The following SLCO1B3 variants were observed in gnomAD, a reference collection of about 807,000 sequenced individuals.
The protein encoded by SLCO1B3 is solute carrier organic anion transporter family member 1B3, also known as liver-specific organic anion transporter 2.
SLCO1B3 carries 72 observed loss-of-function variants against 71.8 expected under a neutral mutation model. The ratio of observed to expected loss-of-function variants is 1.00; its 90% confidence interval spans 0.83 to 1.22. SLCO1B3 has a LOEUF of 1.22. SLCO1B3 is among the 50% of genes most tolerant of loss of function. The probability of loss-of-function intolerance (pLI) is 0.00; values close to 1 mark genes in which losing one functional copy is unlikely to be tolerated. For synonymous variants in SLCO1B3, 298 were observed against 278.4 expected (o/e 1.07, Z -0.70); for missense variants, 911 against 819.7 (o/e 1.11, Z -1.36).
At chr12:20,852,130 G>T (rs1013886358) in intron 3 of SLCO1B3, among the ~76,000 whole-genome samples, 1 of 152,090 alleles carries the variant, frequency 6.6e-6, no homozygotes, top group Non-Finnish European at 1.5e-5. Context: ...TTTTGGCTAC[G>T]CAGGGTGCCT....
chr12:20,908,351 T>C (rs1339024654), intron 15 of SLCO1B3, among the ~76,000 whole-genome samples: 1 of 152,214 alleles, frequency 6.6e-6, no homozygotes, highest in Non-Finnish European at 1.5e-5. Context: ...ATGGTACATT[T>C]GTTACAATTG....
At position 20,861,082 on chromosome 12, in the gene SLCO1B3, G is replaced by T. The variant is rs993057194; in HGVS notation, c.425G>T (p.Cys142Phe). Residue 142 changes from cysteine (C) to phenylalanine (F), a missense_variant, in exon 6 of 16, where the codon TGT becomes TTT. Physicochemically the swap from Cys to Phe is radical, Grantham distance 205. Coordinates refer to ENST00000381545, the MANE Select transcript of SLCO1B3 (RefSeq NM_019844.4). Reference protein sequence around the residue: ...SENSTSSLSTCLINQTLSFNG... With the variant: ...SENSTSSLSTFLINQTLSFNG... ...AATTCAACATCAAGTTTATCAACCT[G>T]TTTAATTAATCAAACCTTATCATTC... The T allele has an allele frequency of 1.2e-6, 2 of 1,604,076 alleles. No homozygotes were observed. Among genetic ancestry groups the T allele is most frequent in the East Asian group, 4.5e-5 (2 of 44,500 alleles).
chr12:20,884,726 A>T (rs1865759613), intron 13 of SLCO1B3, among the ~76,000 whole-genome samples: 1 of 151,990 alleles, frequency 6.6e-6, no homozygotes, highest in African/African-American at 2.4e-5. Flanking sequence ...TTTAAAACCT[A>T]CTAGTTGATC....
Position 20,861,158 on chromosome 12 carries a change from G to A in SLCO1B3, c.481+20G>A. On this transcript the variant is annotated intron_variant, in intron 6 of 15. Transcript: ENST00000381545. ...AAAAAGGTAAGAATTAATAGTGACA[G>A]TAAAACAAATTCTAGATTGATAGAT... 1.9e-6 allele frequency: 3 copies of A among 1,539,860 alleles called. No homozygotes were observed. Among genetic ancestry groups the A allele is most frequent in the Non-Finnish European group, 2.6e-6 (3 of 1,142,360 alleles).
chr12:20,913,065 T>C (rs191783995), intron 15 of SLCO1B3, among the ~76,000 whole-genome samples: 1 of 152,280 alleles, frequency 6.6e-6, no homozygotes, highest in East Asian at 1.9e-4. Context: ...TTGTAGTCTG[T>C]TGCTGTTTGA....
chr12:20,818,298 C>T (rs1278788747), intron 3 of SLCO1B3, among the ~76,000 whole-genome samples: 1 of 151,936 alleles, frequency 6.6e-6, no homozygotes, highest in Non-Finnish European at 1.5e-5. Flanking sequence ...ATACTAAGAG[C>T]CTAAAAAAAT....
intron 15 of SLCO1B3, among the ~76,000 whole-genome samples, chr12:20,911,737 A>G (rs1379206718): frequency 6.6e-6 from 1 of 152,162 alleles, no homozygotes; most frequent in Non-Finnish European, 1.5e-5. Context: ...TGTTTATGGC[A>G]TTCCCTTTTG....
intron 3 of SLCO1B3, among the ~76,000 whole-genome samples, chr12:20,825,772 C>G (rs1343010883): frequency 1.5e-5 from 2 of 134,022 alleles, no homozygotes; most frequent in African/African-American, 2.9e-5. Context: ...GCACTCCAGC[C>G]TGGGTGACAG....
At chr12:20,885,162 G>A (rs1392658250) in intron 13 of SLCO1B3, among the ~76,000 whole-genome samples, 2 of 152,088 alleles carry the variant, frequency 1.3e-5, no homozygotes, top group Non-Finnish European at 2.9e-5. Context: ...ACTTATCAGA[G>A]CATTTATTAA....
At chr12:20,845,192 G>A (rs1565586501) in intron 3 of SLCO1B3, 4 of 466,492 alleles carry the variant, frequency 8.6e-6, no homozygotes, top group Non-Finnish European at 1.3e-5. Flanking sequence ...TAGCCACATG[G>A]GAGAAGCAGA....
At chr12:20,875,560 T>G in intron 9 of SLCO1B3, 83 bp downstream of exon 9, 3 of 1,359,824 alleles carry the variant, frequency 2.2e-6, no homozygotes, top group South Asian at 1.3e-5. Context: ...TAAAGCATAC[T>G]CAAATCATCT....
intron 13 of SLCO1B3, among the ~76,000 whole-genome samples, chr12:20,892,670 G>A (rs533227225): frequency 1.3e-5 from 2 of 152,188 alleles, no homozygotes; most frequent in Admixed American, 6.5e-5. Context: ...TTATAAAAAA[G>A]GAATGTAATC....
At chr12:20,879,909 G>A (rs904152891) in intron 11 of SLCO1B3, among the ~76,000 whole-genome samples, 41 of 152,050 alleles carry the variant, frequency 2.7e-4, no homozygotes, top group African/African-American at 9.6e-4. Flanking sequence ...TTTATAGATG[G>A]GAAAGTGAGA....
intron 3 of SLCO1B3, among the ~76,000 whole-genome samples, chr12:20,854,300 A>T (rs1029277253): frequency 6.6e-4 from 60 of 90,544 alleles, no homozygotes; most frequent in Non-Finnish European, 1.3e-3. Flanking sequence ...AGGATATTGA[A>T]GTATCATTAT....
chr12:20,883,718 T>C (rs1171228787), intron 13 of SLCO1B3, 116 bp downstream of exon 13: 13 of 652,120 alleles, frequency 2.0e-5, no homozygotes, highest in Non-Finnish European at 3.0e-5. Flanking sequence ...TTTAATTCTT[T>C]GAGAATGCAT....
chr12:20,905,357 C>A (rs1866221828), intron 15 of SLCO1B3, among the ~76,000 whole-genome samples: 1 of 152,292 alleles, frequency 6.6e-6, no homozygotes, highest in South Asian at 2.1e-4. Context: ...TTTACTTATG[C>A]AAATTTCTAC....
chr12:20,852,202 T>A (rs958250876), intron 3 of SLCO1B3, among the ~76,000 whole-genome samples: 1 of 152,196 alleles, frequency 6.6e-6, no homozygotes, highest in African/African-American at 2.4e-5. Flanking sequence ...TGGCTAGGAA[T>A]GGTGGTTCAT....
At chr12:20,911,121 C>T (rs80316745) in intron 15 of SLCO1B3, among the ~76,000 whole-genome samples, 1 of 152,134 alleles carries the variant, frequency 6.6e-6, no homozygotes, top group East Asian at 1.9e-4. Context: ...TAAAATTCTC[C>T]TCTATTCCTA....
At chr12:20,889,520 T>G (rs1048366617) in intron 13 of SLCO1B3, among the ~76,000 whole-genome samples, 4 of 152,268 alleles carry the variant, frequency 2.6e-5, no homozygotes, top group Admixed American at 2.6e-4. Flanking sequence ...TGATGATCTT[T>G]TATGTTTCTG....
Sources: allele counts gnomAD v4.1 joint callset (sites outside exome capture counted in the v4.1 genomes callset), GRCh38; gene constraint gnomAD v4.1.1; transcripts MANE v1.5; gene names NCBI Gene and HGNC (gene_info 2026-07-23, HGNC 2026-07-21).